The following DGKB variants were observed in gnomAD, a reference collection of about 807,000 sequenced individuals.
DGKB encodes 90 kDa diacylglycerol kinase.
In DGKB, 67 loss-of-function variants were observed where a neutral mutation model predicts 114.3. That is an observed-to-expected ratio of 0.59 (90% CI 0.48 to 0.72). The LOEUF (loss-of-function observed/expected upper bound fraction) is 0.72. DGKB is among the 30% of genes least tolerant of loss of function. The pLI is 0.00. For missense variants in DGKB, 907 were observed against 975.2 expected, an observed-to-expected ratio of 0.93 and a Z score of 0.93; for synonymous variants, 398 against 323.1, an observed-to-expected ratio of 1.23 and a Z score of -2.49.
chr7:14,945,615 G>C (rs1256076198), intron 1 of DGKB, among the ~76,000 whole-genome samples: 6 of 151,644 alleles, frequency 4.0e-5, no homozygotes, highest in Admixed American at 1.3e-4. Flanking sequence ...ACAAGTACAA[G>C]ACTGCACATA....
chr7:14,391,494 A>G (rs563334277), intron 21 of DGKB, among the ~76,000 whole-genome samples: 10 of 150,872 alleles, frequency 6.6e-5, no homozygotes, highest in Non-Finnish European at 8.8e-5. Context: ...CCTAAGCAAC[A>G]TGGCCGGTCT....
chr7:14,387,251 G>A (rs1039356931), intron 21 of DGKB, among the ~76,000 whole-genome samples: 2 of 151,678 alleles, frequency 1.3e-5, no homozygotes, highest in African/African-American at 4.8e-5. Context: ...GTGAAACTCC[G>A]TCTCTACTAA....
intron 1 of DGKB, among the ~76,000 whole-genome samples, chr7:14,898,826 A>C (rs1445076295): frequency 6.6e-6 from 1 of 152,110 alleles, no homozygotes; most frequent in Non-Finnish European, 1.5e-5. Context: ...TTTTGAAGGT[A>C]ACAGCTTTTG....
intron 21 of DGKB, among the ~76,000 whole-genome samples, chr7:14,465,760 G>C (rs2128877378): frequency 6.6e-6 from 1 of 152,262 alleles, no homozygotes; most frequent in East Asian, 1.9e-4. Flanking sequence ...CTGGGGGAAA[G>C]AAGAGGTAAA....
intron 19 of DGKB, among the ~76,000 whole-genome samples, chr7:14,579,176 A>T (rs1799578211): frequency 1.3e-5 from 2 of 152,184 alleles, no homozygotes; most frequent in South Asian, 2.1e-4. Context: ...TTTCAATTAT[A>T]CTCAACGAAA....
At chr7:14,843,627 C>T (rs992061080) in intron 1 of DGKB, among the ~76,000 whole-genome samples, 3 of 152,170 alleles carry the variant, frequency 2.0e-5, no homozygotes, top group Non-Finnish European at 2.9e-5. Context: ...AGCCACCGCG[C>T]CCAGCCAATA....
chr7:14,846,444 GA>G (rs1338458170), intron 1 of DGKB, among the ~76,000 whole-genome samples: 1 of 152,262 alleles, frequency 6.6e-6, no homozygotes, highest in African/African-American at 2.4e-5. Flanking sequence ...TATGAAAAAA[GA>G]AATGTTTCAC....
chr7:14,171,973 G>T (rs1385375105), intron 25 of DGKB, among the ~76,000 whole-genome samples: 1 of 152,142 alleles, frequency 6.6e-6, no homozygotes, highest in Non-Finnish European at 1.5e-5. Flanking sequence ...ACGTAATGTT[G>T]TTATTGTTTT....
chr7:14,575,742 G>A (rs1169445409), intron 19 of DGKB, among the ~76,000 whole-genome samples: 1 of 152,122 alleles, frequency 6.6e-6, no homozygotes, highest in Non-Finnish European at 1.5e-5. Context: ...ATTATTTTGA[G>A]TCGGAACAAC....
Position 14,416,143 on chromosome 7 carries a change from T to C in DGKB, c.1835+62018A>G, listed in dbSNP as rs181789332. 9.1e-3 allele frequency among the ~76,000 whole-genome samples: 1,383 copies of C among 152,296 alleles called. 24 individuals carry two copies. The highest frequency in any genetic ancestry group is 0.032 in the African/African-American group (1,322 of 41,560). On this transcript the variant is annotated intron_variant, in intron 21 of 25. Coordinates refer to ENST00000402815, the MANE Select transcript of DGKB (RefSeq NM_001350709.2). Reference sequence around the variant, plus strand: ...GTTTGTTTTTTTCTTGTAAATTTGTTTGAGTTCATTGTAGATTCTGGATAT... The same window carrying C: ...GTTTGTTTTTTTCTTGTAAATTTGTCTGAGTTCATTGTAGATTCTGGATAT...
At chr7:14,674,373 T>C (rs1040086635) in intron 12 of DGKB, among the ~76,000 whole-genome samples, 3 of 152,154 alleles carry the variant, frequency 2.0e-5, no homozygotes, top group Non-Finnish European at 2.9e-5. Context: ...AAACTGATAC[T>C]CAGAGCAAAT....
chr7:14,488,772 G>C lies in DGKB; in HGVS notation c.1771-10547C>G, dbSNP rs551630524. ...GAACTCAGGAGGAGGAGATTGCAGT[G>C]AGCCGAGACTGCGCCACTGCACTCC... On this transcript the variant is annotated intron_variant, in intron 20 of 25. Coordinates refer to ENST00000402815, the MANE Select transcript of DGKB (RefSeq NM_001350709.2). Among the ~76,000 whole-genome samples the C allele has an allele frequency of 7.3e-5, 11 of 150,938 alleles. No individual in the cohort carries two copies. In the South Asian group the frequency reaches 2.3e-3, roughly 32 times the overall value.
chr7:14,828,388 G>T (rs1186080706), intron 2 of DGKB, among the ~76,000 whole-genome samples: 1 of 152,080 alleles, frequency 6.6e-6, no homozygotes, highest in Non-Finnish European at 1.5e-5. Flanking sequence ...AAGAGGCAAA[G>T]ATCATAAATC....
chr7:14,485,864 C>A (rs937050021), intron 20 of DGKB, among the ~76,000 whole-genome samples: 1 of 146,520 alleles, frequency 6.8e-6, no homozygotes, highest in Admixed American at 6.9e-5. Flanking sequence ...GCACTCTGGC[C>A]TGGGTAACAA....
intron 1 of DGKB, among the ~76,000 whole-genome samples, chr7:14,884,953 A>C (rs1462785676): frequency 6.6e-6 from 1 of 151,960 alleles, no homozygotes; most frequent in Non-Finnish European, 1.5e-5. Flanking sequence ...AAAATGAAAA[A>C]CAACAAAAAA....
At chr7:14,259,504 G>GCAA (rs1796452129) in intron 23 of DGKB, among the ~76,000 whole-genome samples, 1 of 151,012 alleles carries the variant, frequency 6.6e-6, no homozygotes, top group Non-Finnish European at 1.5e-5. Context: ...TCGGCTCACT[G>GCAA]CAACTTCTGC....
chr7:14,564,784 T>C (rs1797153205), intron 20 of DGKB, among the ~76,000 whole-genome samples: 1 of 152,024 alleles, frequency 6.6e-6, no homozygotes, highest in South Asian at 2.1e-4. Flanking sequence ...TACCTGAACA[T>C]TATATACTTT....
chr7:14,228,907 T>TGTGTGTGTGTGTGTGTGTG (rs774888930), intron 23 of DGKB, among the ~76,000 whole-genome samples: 2 of 151,458 alleles, frequency 1.3e-5, no homozygotes, highest in African/African-American at 2.4e-5. Flanking sequence ...TGTGTGTGTG[T>TGTGTGTGTGTGTGTGTGTG]TCAAAAATAA....
At chr7:14,878,578 T>C (rs1266750199) in intron 1 of DGKB, among the ~76,000 whole-genome samples, 1 of 152,006 alleles carries the variant, frequency 6.6e-6, no homozygotes, top group African/African-American at 2.4e-5. Flanking sequence ...ACCCCGTCTC[T>C]ACTAAGAATA....
Sources: allele counts gnomAD v4.1 joint callset (sites outside exome capture counted in the v4.1 genomes callset), GRCh38; gene constraint gnomAD v4.1.1; transcripts MANE v1.5; gene names NCBI Gene and HGNC (gene_info 2026-07-23, HGNC 2026-07-21).